PTPDC1: variants seen among roughly 807,000 people sequenced by gnomAD.
The protein encoded by PTPDC1 is protein tyrosine phosphatase domain containing 1.
In PTPDC1, 53 loss-of-function variants were observed where a neutral mutation model predicts 75.3. That is an observed-to-expected ratio of 0.70 (90% CI 0.56 to 0.88). PTPDC1 has a LOEUF of 0.88. Ranked by LOEUF, PTPDC1 falls within the 40% of genes least tolerant of loss-of-function variation. The pLI is 0.00. For synonymous variants in PTPDC1, 349 were observed against 366.2 expected (o/e 0.95, Z 0.54); for missense variants, 925 against 998.6 (o/e 0.93, Z 0.99).
At chr9:94,080,988 C>CTTTTTTTTTTTTTTTTTT (rs1254750314), upstream of PTPDC1, among the ~76,000 whole-genome samples, 3 of 127,556 alleles carry the variant, frequency 2.4e-5, 1 homozygote, top group African/African-American at 6.2e-5. Context: ...TTTTCTTTTT[C>CTTTTTTTTTTTTTTTTTT]TTTTTCTTTT....
At chr9:94,107,804 G>T in intron 8 of PTPDC1, 24 bp from the exon 9 acceptor site, 1 of 1,394,596 alleles carries the variant, frequency 7.2e-7, no homozygotes, top group South Asian at 1.2e-5. Context: ...ACAGTGTCCT[G>T]AATATAAATT....
At chr9:94,041,847 A>G (rs533206170) in intron 1 of PTPDC1, among the ~76,000 whole-genome samples, 1 of 152,214 alleles carries the variant, frequency 6.6e-6, no homozygotes, top group African/African-American at 2.4e-5. Context: ...ATTGGAAAAT[A>G]GTATTAGAAA....
Position 94,085,182 on chromosome 9 carries a change from G to A in PTPDC1, c.245-69G>A, listed in dbSNP as rs142778392. 8.8e-6 allele frequency: 12 copies of A among 1,365,334 alleles called. No homozygotes were observed. In the East Asian group the frequency reaches 2.6e-4, roughly 29 times the overall value. The allele number at this position is 1,365,334 out of a possible 1,614,324, so 84.6% of individuals were successfully genotyped here. A position where few individuals can be genotyped will look rare whatever the true frequency, so the allele number is the denominator to read the frequency against. ...TCTACCATCCTGAGATAAAATGGAAGCTATTTCCCATGTTACAATTTCATT... is the reference window on the plus strand; with the variant it reads ...TCTACCATCCTGAGATAAAATGGAAACTATTTCCCATGTTACAATTTCATT... On this transcript the variant is annotated intron_variant, in intron 1 of 8. Transcript: ENST00000620992.
upstream of PTPDC1, among the ~76,000 whole-genome samples, chr9:94,081,302 T>G (rs1826875531): frequency 1.3e-5 from 2 of 152,228 alleles, no homozygotes; most frequent in African/African-American, 4.8e-5. Context: ...GGAAAAATAT[T>G]ATTTGTAACT....
chr9:94,094,505 A>C (rs10821293), intron 4 of PTPDC1, among the ~76,000 whole-genome samples: 89,943 of 151,444 alleles, frequency 0.59, 28,364 homozygotes, highest in African/African-American at 0.82. Flanking sequence ...ACATTTAAGT[A>C]TGCAAAAGTT....
intron 4 of PTPDC1, among the ~76,000 whole-genome samples, chr9:94,094,673 A>G (rs1587900106): frequency 6.6e-6 from 1 of 152,112 alleles, no homozygotes; most frequent in South Asian, 2.1e-4. Context: ...CCCCTCCCCC[A>G]GCCTTGCTGC....
rs1396491496 is a variant in PTPDC1, at chr9:94,090,596, G to C, written c.616+2333G>C. On this transcript the variant is annotated intron_variant, in intron 4 of 8. Transcript: ENST00000620992. ...TTGGTTCCATATGAACTTTAAAGTA[G>C]TTTTTTCCAATTCTGTGAAGAAAGT... Among the ~76,000 whole-genome samples, 8 of 113,248 alleles carry C rather than the reference G, an allele frequency of 7.1e-5. No individual in the cohort carries two copies. In the South Asian group the frequency reaches 2.0e-3, roughly 28 times the overall value. The allele number at this position is 113,248 out of a possible 152,430, so 74.3% of individuals were successfully genotyped here. A position where few individuals can be genotyped will look rare whatever the true frequency, so the allele number is the denominator to read the frequency against.
At chr9:94,039,195 TGAAAA>T (rs1825357621) in intron 1 of PTPDC1, among the ~76,000 whole-genome samples, 1 of 152,132 alleles carries the variant, frequency 6.6e-6, no homozygotes, top group Non-Finnish European at 1.5e-5. Context: ...TTAAAATAAC[TGAAAA>T]GAAAACCACA....
In PTPDC1 at chr9:94,098,746, GA is replaced by G. The variant is rs1466894542; in HGVS notation, c.2013+173del. ...TCTCTGATGCGAACCTGATGTTATA[GA>G]AAAAACACAGGGTGTTTGTATGGTT... On this transcript the variant is annotated intron_variant, in intron 6 of 8. Coordinates refer to ENST00000620992, the MANE Select transcript of PTPDC1 (RefSeq NM_001253829.2). The G allele has an allele frequency of 1.2e-5, 8 of 649,656 alleles. No homozygotes were observed. The African/African-American group carries it at 1.3e-4, about 10-fold the overall frequency. 40.2% of individuals were successfully genotyped at this position (649,656 alleles called of 1,614,324 possible).
intron 1 of PTPDC1, among the ~76,000 whole-genome samples, chr9:94,036,035 G>T (rs7868638): frequency 0.56 from 65,914 of 117,428 alleles, 18,215 homozygotes; most frequent in African/African-American, 0.71. Flanking sequence ...TTTTTTTTTT[G>T]TTTTTTTTTT....
intron 1 of PTPDC1, chr9:94,038,028 A>C: frequency 2.3e-6 from 1 of 441,318 alleles, no homozygotes. Flanking sequence ...AAAGAATTAA[A>C]TATGGGTGAT....
At chr9:94,081,431 G>A (rs532296454), upstream of PTPDC1, among the ~76,000 whole-genome samples, 10 of 152,310 alleles carry the variant, frequency 6.6e-5, no homozygotes, top group Non-Finnish European at 1.2e-4. Flanking sequence ...GAGAGGCTGA[G>A]GCAGGAAGAT....
At chr9:94,051,104 C>G (rs1825777449) in intron 1 of PTPDC1, among the ~76,000 whole-genome samples, 1 of 152,162 alleles carries the variant, frequency 6.6e-6, no homozygotes, top group South Asian at 2.1e-4. Context: ...TTCCAAGTGC[C>G]GTCTGTACCC....
At chr9:94,064,615 G>A (rs1826241573) in intron 1 of PTPDC1, 1 of 636,540 alleles carries the variant, frequency 1.6e-6, no homozygotes, top group East Asian at 2.8e-5. Flanking sequence ...CATATTTCAA[G>A]TATCTGCCAC....
At chr9:94,055,017 T>C (rs1350898498) in intron 1 of PTPDC1, among the ~76,000 whole-genome samples, 4 of 152,240 alleles carry the variant, frequency 2.6e-5, no homozygotes, top group African/African-American at 9.6e-5. Context: ...CCACACACAG[T>C]GGAGCTCCAT....
Position 94,084,744 on chromosome 9 carries a change from A to C in PTPDC1, c.214A>C (p.Asn72His). 1 of 1,588,558 alleles carries C rather than the reference A, an allele frequency of 6.3e-7. No homozygotes were observed. Among genetic ancestry groups the C allele is most frequent in the South Asian group, 1.1e-5 (1 of 87,026 alleles). Residue 72 changes from asparagine to histidine, a missense_variant, in exon 1 of 9, where the codon AAC becomes CAC. Transcript: ENST00000620992. ...TTCCTCAGTCAGCCATGCAGAGGGA[A>C]ACCCAACTTTCCCCGAAAGAAAAAG... is the stretch of plus-strand genomic sequence containing the variant. ...AVSSVSHAEGNPTFPERKSKG... is the reference protein window; with the variant it reads ...AVSSVSHAEGHPTFPERKSKG...
intron 2 of PTPDC1, chr9:94,064,959 A>G: frequency 1.6e-6 from 1 of 643,746 alleles, no homozygotes; most frequent in South Asian, 2.0e-5. Flanking sequence ...TTACTGCCTT[A>G]CCATCTTGGC....
At chr9:94,075,735 C>T (rs1038034486) in intron 2 of PTPDC1, among the ~76,000 whole-genome samples, 3 of 152,132 alleles carry the variant, frequency 2.0e-5, no homozygotes, top group African/African-American at 7.2e-5. Flanking sequence ...AATGGGGCAA[C>T]TCTACTTGGA....
intron 2 of PTPDC1, among the ~76,000 whole-genome samples, chr9:94,070,290 C>T (rs915037730): frequency 6.6e-6 from 1 of 152,036 alleles, no homozygotes; most frequent in Admixed American, 6.6e-5. Flanking sequence ...TCACCCAACT[C>T]GGCTGTATTT....
Sources: gnomAD v4.1 joint callset for allele counts (sites outside exome capture counted in the v4.1 genomes callset) on GRCh38, gnomAD v4.1.1 for gene constraint, MANE v1.5 for transcripts, NCBI Gene and HGNC (gene_info 2026-07-23, HGNC 2026-07-21) for gene names.